The following DLG2 variants were observed in gnomAD, a reference collection of about 807,000 sequenced individuals.
DLG2 encodes discs large MAGUK scaffold protein 2.
DLG2 carries 45 observed loss-of-function variants against 132.5 expected under a neutral mutation model. That is an observed-to-expected ratio of 0.34 (90% CI 0.27 to 0.44). DLG2 has a LOEUF of 0.44. Among genes scored for constraint, DLG2 ranks in the 20% least tolerant of loss-of-function variants. The probability of loss-of-function intolerance (pLI) is 1.00; values close to 1 mark genes in which losing one functional copy is unlikely to be tolerated. For synonymous variants in DLG2, 424 were observed against 419.6 expected, an observed-to-expected ratio of 1.01 and a Z score of -0.13; for missense variants, 1,045 against 1,196.9, an observed-to-expected ratio of 0.87 and a Z score of 1.87.
At chr11:84,448,362 G>A (rs1026530064) in intron 7 of DLG2, among the ~76,000 whole-genome samples, 3 of 151,954 alleles carry the variant, frequency 2.0e-5, no homozygotes, top group Non-Finnish European at 4.4e-5. Flanking sequence ...CTCAAATAAT[G>A]TATTAGTCCA....
At chr11:84,666,618 A>C (rs1212816034) in intron 6 of DLG2, among the ~76,000 whole-genome samples, 1 of 152,100 alleles carries the variant, frequency 6.6e-6, no homozygotes, top group Non-Finnish European at 1.5e-5. Context: ...AGTACTCACC[A>C]AACAACTAGC....
chr11:84,006,181 G>A (rs964380114), intron 11 of DLG2, among the ~76,000 whole-genome samples: 3 of 151,738 alleles, frequency 2.0e-5, no homozygotes, highest in Non-Finnish European at 4.4e-5. Context: ...TAGTAACATC[G>A]ATAGAGCTAG....
intron 7 of DLG2, among the ~76,000 whole-genome samples, chr11:84,531,237 T>C (rs1212840003): frequency 6.6e-6 from 1 of 152,114 alleles, no homozygotes; most frequent in East Asian, 1.9e-4. Flanking sequence ...GAAAACCAAA[T>C]ACTGCATATT....
chr11:83,883,609 T>A (rs2066918123), intron 15 of DLG2, among the ~76,000 whole-genome samples: 1 of 152,200 alleles, frequency 6.6e-6, no homozygotes, highest in Admixed American at 6.5e-5. Flanking sequence ...GTGGACTGAC[T>A]CAAATGGATT....
At chr11:84,390,953 G>A (rs2098790582) in intron 7 of DLG2, among the ~76,000 whole-genome samples, 1 of 152,122 alleles carries the variant, frequency 6.6e-6, no homozygotes, top group Non-Finnish European at 1.5e-5. Flanking sequence ...TGGAGAGAAT[G>A]TTGGAGAGTT....
intron 6 of DLG2, among the ~76,000 whole-genome samples, chr11:84,816,746 C>T (rs1417038257): frequency 1.3e-5 from 2 of 151,944 alleles, no homozygotes; most frequent in African/African-American, 4.8e-5. Flanking sequence ...AAAGATCTAA[C>T]TCATATCCCC....
chr11:85,232,014 G>T (rs2075327586), intron 4 of DLG2, among the ~76,000 whole-genome samples: 1 of 151,660 alleles, frequency 6.6e-6, no homozygotes, highest in African/African-American at 2.4e-5. Context: ...TCTCCACACA[G>T]TTCTCTCATA....
chr11:84,418,224 A>T (rs1175336072), intron 7 of DLG2, among the ~76,000 whole-genome samples: 1 of 152,186 alleles, frequency 6.6e-6, no homozygotes, highest in Non-Finnish European at 1.5e-5. Context: ...AATACTTTCC[A>T]TACATCCTGG....
In DLG2 at chr11:85,401,069, C is replaced by G. The variant is rs1828315; in HGVS notation, c.41-115704G>C. Among the ~76,000 whole-genome samples, 45 of 151,574 alleles carry G rather than the reference C, an allele frequency of 3.0e-4. 1 individual carries two copies. The highest frequency in any genetic ancestry group is 2.6e-3 in the Admixed American group (39 of 15,234). On this transcript the variant is annotated intron_variant, in intron 3 of 27. Transcript: ENST00000376104. ...ATTTTAGGCCAATAACCCTGATGAACATTGATGTGAAAATCCTCTATAAAA... is the reference window on the plus strand; with the variant it reads ...ATTTTAGGCCAATAACCCTGATGAAGATTGATGTGAAAATCCTCTATAAAA...
chr11:84,725,010 A>G (rs2062254260), intron 6 of DLG2, among the ~76,000 whole-genome samples: 1 of 152,208 alleles, frequency 6.6e-6, no homozygotes, highest in African/African-American at 2.4e-5. Flanking sequence ...TTATTAGCTA[A>G]GGAATGTCAT....
At chr11:85,607,482 C>A (rs2080659080) in intron 2 of DLG2, among the ~76,000 whole-genome samples, 1 of 152,230 alleles carries the variant, frequency 6.6e-6, no homozygotes, top group Middle Eastern at 3.2e-3. Flanking sequence ...TAACGCCTGC[C>A]AGATAAACTT....
intron 6 of DLG2, among the ~76,000 whole-genome samples, chr11:84,592,157 A>G (rs2099544864): frequency 6.6e-6 from 1 of 152,178 alleles, no homozygotes; most frequent in Admixed American, 6.5e-5. Flanking sequence ...CACCCAGCCA[A>G]GTCGGCAGGA....
chr11:84,353,520 G>A (rs928783073), intron 7 of DLG2, among the ~76,000 whole-genome samples: 7 of 151,946 alleles, frequency 4.6e-5, no homozygotes, highest in Admixed American at 2.6e-4. Context: ...ACACCTCCAC[G>A]TCTCTAATGA....
At chr11:83,514,955 C>T (rs1371274236) in intron 21 of DLG2, among the ~76,000 whole-genome samples, 15 of 152,242 alleles carry the variant, frequency 9.9e-5, no homozygotes, top group East Asian at 3.9e-4. Flanking sequence ...ATTTTTGCAT[C>T]GATGTTCATC....
At chr11:84,172,645 C>A (rs529404534) in intron 8 of DLG2, among the ~76,000 whole-genome samples, 7 of 152,038 alleles carry the variant, frequency 4.6e-5, no homozygotes, top group Admixed American at 1.3e-4. Flanking sequence ...CGAGTTCAAC[C>A]AATTCTCCTG....
intron 6 of DLG2, among the ~76,000 whole-genome samples, chr11:84,951,604 A>G (rs1244097614): frequency 1.3e-5 from 2 of 149,384 alleles, no homozygotes; most frequent in African/African-American, 5.0e-5. Flanking sequence ...ATATATACAC[A>G]TATATATACA....
At chr11:83,745,013 C>T (rs1318453978) in intron 18 of DLG2, among the ~76,000 whole-genome samples, 2 of 152,204 alleles carry the variant, frequency 1.3e-5, no homozygotes, top group Non-Finnish European at 2.9e-5. Context: ...TGCTGCAATA[C>T]TCATACCTGT....
intron 3 of DLG2, among the ~76,000 whole-genome samples, chr11:85,475,906 T>C (rs1436780687): frequency 6.6e-6 from 1 of 152,122 alleles, no homozygotes; most frequent in East Asian, 1.9e-4. Context: ...TTGCTATTTT[T>C]AGGGGGAAAT....
intron 9 of DLG2, among the ~76,000 whole-genome samples, chr11:84,129,974 T>C (rs2154215541): frequency 6.6e-6 from 1 of 152,212 alleles, no homozygotes; most frequent in Non-Finnish European, 1.5e-5. Flanking sequence ...TATTTTCAAG[T>C]ACTAAAGAAA....
Sources: gnomAD v4.1 joint callset for allele counts (sites outside exome capture counted in the v4.1 genomes callset) on GRCh38, gnomAD v4.1.1 for gene constraint, MANE v1.5 for transcripts, NCBI Gene and HGNC (gene_info 2026-07-23, HGNC 2026-07-21) for gene names.